MAP3K7: variants seen among roughly 807,000 people sequenced by gnomAD.
MAP3K7 encodes the protein mitogen-activated protein kinase kinase kinase 7.
MAP3K7 carries 21 observed loss-of-function variants against 84.8 expected under a neutral mutation model. That is an observed-to-expected ratio of 0.25 (90% CI 0.18 to 0.36). The LOEUF (loss-of-function observed/expected upper bound fraction) is 0.36. Among genes scored for constraint, MAP3K7 ranks in the 10% least tolerant of loss-of-function variants. MAP3K7 has a pLI of 1.00. For synonymous variants in MAP3K7, 241 were observed against 247.7 expected, an observed-to-expected ratio of 0.97 and a Z score of 0.25; for missense variants, 503 against 747.7, an observed-to-expected ratio of 0.67 and a Z score of 3.82.
At chr6:90,528,636 T>C (rs1279194422) in intron 13 of MAP3K7, among the ~76,000 whole-genome samples, 1 of 144,092 alleles carries the variant, frequency 6.9e-6, no homozygotes, top group Non-Finnish European at 1.6e-5. Flanking sequence ...TGTGTGTACA[T>C]AGTAGGTACA....
chr6:90,579,535 T>C (rs148351385), intron 1 of MAP3K7, among the ~76,000 whole-genome samples: 208 of 152,336 alleles, frequency 1.4e-3, no homozygotes, highest in Non-Finnish European at 2.6e-3. Flanking sequence ...GCTCAAGATA[T>C]ATTTAAAACT....
chr6:90,517,942 A>T (rs1175213178), intron 16 of MAP3K7, among the ~76,000 whole-genome samples: 1 of 151,754 alleles, frequency 6.6e-6, no homozygotes, highest in Admixed American at 6.6e-5. Context: ...AGATACATAC[A>T]TATTTAAGAA....
intron 12 of MAP3K7, among the ~76,000 whole-genome samples, chr6:90,538,495 A>C (rs1404028986): frequency 5.3e-5 from 8 of 151,934 alleles, no homozygotes; most frequent in African/African-American, 1.9e-4. Context: ...ATGCCTGATC[A>C]AGGAATCTGA....
At chr6:90,582,472 T>C (rs553303873) in intron 1 of MAP3K7, among the ~76,000 whole-genome samples, 134 of 152,328 alleles carry the variant, frequency 8.8e-4, no homozygotes, top group African/African-American at 3.2e-3. Flanking sequence ...TACTGGTAAG[T>C]ACCATGAAAG....
chr6:90,564,661 C>T (rs1193542990), intron 3 of MAP3K7, among the ~76,000 whole-genome samples: 10 of 152,134 alleles, frequency 6.6e-5, no homozygotes, highest in African/African-American at 1.7e-4. Context: ...GACAAATTAA[C>T]GAGACAGAAA....
chr6:90,568,254 C>T (rs1406256182), intron 3 of MAP3K7, among the ~76,000 whole-genome samples: 1 of 151,794 alleles, frequency 6.6e-6, no homozygotes, highest in Non-Finnish European at 1.5e-5. Flanking sequence ...TCAATAAATA[C>T]ATAAAGAGAA....
Position 90,574,664 on chromosome 6 carries a change from G to A in MAP3K7, c.121-2857C>T, listed in dbSNP as rs1340382660. 2.0e-5 allele frequency among the ~76,000 whole-genome samples: 3 copies of A among 152,162 alleles called. No individual in the cohort carries two copies. In the South Asian group the frequency reaches 6.2e-4, roughly 31 times the overall value. On this transcript the variant is annotated intron_variant, in intron 1 of 16. Transcript: ENST00000369329. ...TTCCATTTTGAGGAACGTCCATGCA[G>A]GGATTCCAAACATTATCTATATTTG...
intron 14 of MAP3K7, 27 bp from the exon 15 acceptor site, chr6:90,519,346 A>G: frequency 6.9e-7 from 1 of 1,448,440 alleles, no homozygotes; most frequent in Non-Finnish European, 9.5e-7. Context: ...TATTTTATTG[A>G]TTTTCTGTCA....
intron 12 of MAP3K7, chr6:90,542,528 C>G (rs1206979143): frequency 1.0e-6 from 1 of 979,126 alleles, no homozygotes; most frequent in East Asian, 1.1e-4. Context: ...TTAATGTGAA[C>G]ACTAAGAGAA....
intron 3 of MAP3K7, among the ~76,000 whole-genome samples, 175 bp downstream of exon 3, chr6:90,568,383 T>C (rs565131669): frequency 7.9e-5 from 12 of 152,286 alleles, no homozygotes; most frequent in Non-Finnish European, 1.6e-4. Context: ...CCTTGAACTA[T>C]TGGGATCACT....
At chr6:90,586,323 G>A (rs1777450609) in intron 1 of MAP3K7, among the ~76,000 whole-genome samples, 1 of 140,142 alleles carries the variant, frequency 7.1e-6, no homozygotes, top group South Asian at 2.3e-4. Flanking sequence ...AGTGAGCCGA[G>A]ATTGCGCCAC....
At chr6:90,560,373 T>C (rs1024987016) in intron 4 of MAP3K7, among the ~76,000 whole-genome samples, 159 bp from the exon 5 acceptor site, 2 of 152,252 alleles carry the variant, frequency 1.3e-5, no homozygotes, top group Non-Finnish European at 2.9e-5. Flanking sequence ...TTTTTCTTTT[T>C]GTTTTTTGAG....
chr6:90,555,911 G>A (rs953385537), intron 6 of MAP3K7, among the ~76,000 whole-genome samples: 11 of 152,298 alleles, frequency 7.2e-5, no homozygotes, highest in African/African-American at 2.6e-4. Flanking sequence ...TTTAACATAT[G>A]TATATTGTCT....
intron 1 of MAP3K7, among the ~76,000 whole-genome samples, chr6:90,575,422 G>GCT (rs1777041400): frequency 6.6e-6 from 1 of 152,134 alleles, no homozygotes. Context: ...ATCCCTAAGA[G>GCT]CAGGCATCCT....
chr6:90,556,758 T>A, intron 5 of MAP3K7, 134 bp from the exon 6 acceptor site: 1 of 847,536 alleles, frequency 1.2e-6, no homozygotes, highest in Non-Finnish European at 1.7e-6. Flanking sequence ...GTGAAATGAC[T>A]AATTTACTTG....
intron 7 of MAP3K7, among the ~76,000 whole-genome samples, chr6:90,552,882 C>T (rs1282064911): frequency 6.6e-6 from 1 of 152,166 alleles, no homozygotes; most frequent in South Asian, 2.1e-4. Context: ...ATTTGAATCC[C>T]AGCTCTACCA....
intron 3 of MAP3K7, among the ~76,000 whole-genome samples, chr6:90,565,053 A>T (rs1171783722): frequency 6.6e-6 from 1 of 152,218 alleles, no homozygotes; most frequent in Non-Finnish European, 1.5e-5. Context: ...GGACACATTT[A>T]AAGCAGTGTG....
intron 11 of MAP3K7, among the ~76,000 whole-genome samples, chr6:90,544,842 C>T (rs1435472435): frequency 1.3e-5 from 2 of 151,898 alleles, no homozygotes; most frequent in South Asian, 2.1e-4. Flanking sequence ...ATGTTTTACA[C>T]ACTGGTTTTA....
intron 1 of MAP3K7, among the ~76,000 whole-genome samples, chr6:90,580,142 G>A (rs1251263538): frequency 6.6e-6 from 1 of 152,180 alleles, no homozygotes; most frequent in Non-Finnish European, 1.5e-5. Flanking sequence ...TGTCTGGACT[G>A]CAAAGGCCAA....
Sources: allele counts gnomAD v4.1 joint callset (sites outside exome capture counted in the v4.1 genomes callset), GRCh38; gene constraint gnomAD v4.1.1; transcripts MANE v1.5; gene names NCBI Gene and HGNC (gene_info 2026-07-23, HGNC 2026-07-21).